Variants in AFDN observed in about 807,000 individuals in gnomAD.
AFDN encodes afadin, adherens junction formation factor.
In AFDN, 68 loss-of-function variants were observed where a neutral mutation model predicts 216.6. The observed-to-expected ratio is 0.31, with a 90% CI of 0.26 to 0.38. The LOEUF (loss-of-function observed/expected upper bound fraction) is 0.38, where lower values mean the gene tolerates loss of function less well. AFDN is among the 10% of genes least tolerant of loss of function. The pLI is 1.00. For synonymous variants in AFDN, 868 were observed against 853.7 expected, an observed-to-expected ratio of 1.02 and a Z score of -0.29; for missense variants, 2,136 against 2,342.0, an observed-to-expected ratio of 0.91 and a Z score of 1.82.
chr6:167,840,364 C>T (rs1172500621), intron 1 of AFDN, among the ~76,000 whole-genome samples: 1 of 152,116 alleles, frequency 6.6e-6, no homozygotes, highest in Non-Finnish European at 1.5e-5. Flanking sequence ...TGGCCTTTGC[C>T]CTTTTGACAT....
intron 9 of AFDN, among the ~76,000 whole-genome samples, chr6:167,896,443 T>A (rs1416429903): frequency 1.3e-5 from 2 of 152,158 alleles, no homozygotes. Flanking sequence ...CGTCAGTGAT[T>A]TAGCTGTGCC....
intron 23 of AFDN, among the ~76,000 whole-genome samples, chr6:167,927,431 G>T (rs1164289247): frequency 6.6e-6 from 1 of 152,126 alleles, no homozygotes; most frequent in Non-Finnish European, 1.5e-5. Context: ...TGATTGACAG[G>T]TTAAGGAGTC....
chr6:167,860,193 CCTTTGT>C (rs200086875), intron 1 of AFDN, among the ~76,000 whole-genome samples: 1,098 of 62,794 alleles, frequency 0.017, 18 homozygotes, highest in African/African-American at 0.066. Context: ...TTTTTAGAAA[CCTTTGT>C]CTTTGTAAGA....
intron 1 of AFDN, among the ~76,000 whole-genome samples, chr6:167,843,778 A>G (rs1023903218): frequency 6.6e-6 from 1 of 152,232 alleles, no homozygotes; most frequent in South Asian, 2.1e-4. Context: ...TGTAAGAAAT[A>G]ATAGATTTAT....
At chr6:167,916,208 G>T (rs1791043380) in intron 19 of AFDN, among the ~76,000 whole-genome samples, 1 of 152,164 alleles carries the variant, frequency 6.6e-6, no homozygotes, top group South Asian at 2.1e-4. Flanking sequence ...TCTTCGTACG[G>T]CATTCTCCTT....
intron 2 of AFDN, among the ~76,000 whole-genome samples, chr6:167,867,468 C>T (rs1467762289): frequency 1.4e-5 from 2 of 141,822 alleles, no homozygotes; most frequent in Non-Finnish European, 3.0e-5. Flanking sequence ...CTCATTCTGT[C>T]GCCCAGGCTG....
chr6:167,969,314 C>G (rs1797856703), intron 33 of AFDN, 116 bp downstream of exon 33: 1 of 790,116 alleles, frequency 1.3e-6, no homozygotes, highest in African/African-American at 1.7e-5. Context: ...GTGACCTCAC[C>G]TGGATTGTAA....
chr6:167,827,657 C>G (rs1281246290), intron 1 of AFDN: 1 of 150,186 alleles, frequency 6.7e-6, no homozygotes, highest in African/African-American at 2.4e-5. Context: ...GCCCCTTCGC[C>G]GTGGCCGGGA....
chr6:167,930,541 C>G (rs1793154208), intron 23 of AFDN, among the ~76,000 whole-genome samples: 1 of 152,192 alleles, frequency 6.6e-6, no homozygotes, highest in Non-Finnish European at 1.5e-5. Context: ...GCCCTGTGCA[C>G]AGGCTCAGCC....
chr6:167,891,477 T>C (rs1006104986), intron 8 of AFDN, among the ~76,000 whole-genome samples: 2 of 150,262 alleles, frequency 1.3e-5, no homozygotes, highest in African/African-American at 4.9e-5. Flanking sequence ...GCATGGACAG[T>C]GTCTAAAAAG....
At chr6:167,942,095 G>C (rs566159987) in intron 23 of AFDN, among the ~76,000 whole-genome samples, 2 of 151,520 alleles carry the variant, frequency 1.3e-5, no homozygotes, top group East Asian at 3.9e-4. Context: ...GGTTTGGTTT[G>C]TTTTTTCCCT....
At chr6:167,954,005 T>C (rs542534420) in intron 30 of AFDN, among the ~76,000 whole-genome samples, 8 of 152,374 alleles carry the variant, frequency 5.3e-5, no homozygotes, top group Non-Finnish European at 8.8e-5. Flanking sequence ...TTTCTGTAAG[T>C]ATCTTTTTCT....
At chr6:167,848,187 A>G (rs1781910410) in intron 1 of AFDN, among the ~76,000 whole-genome samples, 1 of 152,180 alleles carries the variant, frequency 6.6e-6, no homozygotes, top group Non-Finnish European at 1.5e-5. Context: ...CGTAACTATC[A>G]TGGTCACATT....
intron 13 of AFDN, among the ~76,000 whole-genome samples, chr6:167,910,758 T>C (rs1370035501): frequency 1.3e-5 from 2 of 152,210 alleles, no homozygotes; most frequent in Non-Finnish European, 2.9e-5. Flanking sequence ...CTTAGTACTT[T>C]GTTTTCAGTG....
chr6:167,826,832 G>C (rs1298239280), upstream of AFDN: 1 of 145,384 alleles, frequency 6.9e-6, no homozygotes, highest in African/African-American at 2.5e-5. Flanking sequence ...CGGGGCGGCG[G>C]CGCGCACGGC....
intron 23 of AFDN, among the ~76,000 whole-genome samples, chr6:167,926,224 C>T (rs1792509698): frequency 6.6e-6 from 1 of 152,326 alleles, no homozygotes; most frequent in African/African-American, 2.4e-5. Context: ...TCTTCCTCAG[C>T]TGCTCTAATT....
chr6:167,875,567 A>G, intron 5 of AFDN, 72 bp downstream of exon 5: 2 of 1,496,878 alleles, frequency 1.3e-6, no homozygotes, highest in Non-Finnish European at 1.8e-6. Flanking sequence ...TACGTGCGTG[A>G]GACTTGCTTT....
chr6:167,948,257 A>G, intron 28 of AFDN, 36 bp from the exon 29 acceptor site: 2 of 1,568,322 alleles, frequency 1.3e-6, no homozygotes, highest in Non-Finnish European at 1.7e-6. Flanking sequence ...GTATGGTTGT[A>G]AAAAGCTCAC....
intron 30 of AFDN, among the ~76,000 whole-genome samples, chr6:167,960,791 G>A (rs959491326): frequency 2.6e-5 from 4 of 152,264 alleles, no homozygotes; most frequent in South Asian, 2.1e-4. Flanking sequence ...AGGCGTCACC[G>A]ACGGCTTCCT....
Sources: allele counts gnomAD v4.1 joint callset (sites outside exome capture counted in the v4.1 genomes callset), GRCh38; gene constraint gnomAD v4.1.1; transcripts MANE v1.5; gene names NCBI Gene and HGNC (gene_info 2026-07-23, HGNC 2026-07-21).